Variants in GALNT2 observed in about 807,000 individuals in gnomAD.
GALNT2 encodes the protein UDP-GalNAc:polypeptide N-acetylgalactosaminyltransferase 2.
A neutral mutation model predicts 81.4 loss-of-function variants in GALNT2; 31 were observed. The ratio of observed to expected loss-of-function variants is 0.38; its 90% CI spans 0.29 to 0.51. GALNT2 has a LOEUF of 0.51. GALNT2 is among the 20% of genes least tolerant of loss of function. The pLI is 0.87. For synonymous variants in GALNT2, 303 were observed against 287.4 expected, an observed-to-expected ratio of 1.05 and a Z score of -0.55; for missense variants, 629 against 765.7, an observed-to-expected ratio of 0.82 and a Z score of 2.11.
chr1:230,111,324 G>T (rs895739628), intron 1 of GALNT2, among the ~76,000 whole-genome samples: 8 of 152,234 alleles, frequency 5.3e-5, no homozygotes, highest in Non-Finnish European at 8.8e-5. Context: ...GCACATACAT[G>T]TTCACACACT....
At chr1:230,249,497 A>G (rs1190861886) in intron 9 of GALNT2, among the ~76,000 whole-genome samples, 2 of 152,244 alleles carry the variant, frequency 1.3e-5, no homozygotes, top group African/African-American at 4.8e-5. Context: ...TATAAGGCCT[A>G]TCTGCTAGGT....
intron 2 of GALNT2, among the ~76,000 whole-genome samples, chr1:230,200,068 T>TC (rs1380264706): frequency 7.0e-6 from 1 of 142,750 alleles, no homozygotes; most frequent in Non-Finnish European, 1.6e-5. Context: ...TTTTCTTTTT[T>TC]TTTTTTTTTT....
At chr1:230,224,884 C>G (rs936412453) in intron 3 of GALNT2, among the ~76,000 whole-genome samples, 7 of 139,150 alleles carry the variant, frequency 5.0e-5, no homozygotes, top group African/African-American at 1.7e-4. Flanking sequence ...CTTCCGACTC[C>G]TATACGTTGC....
intron 1 of GALNT2, among the ~76,000 whole-genome samples, chr1:230,174,819 G>A (rs1489373843): frequency 6.6e-6 from 1 of 152,110 alleles, no homozygotes; most frequent in African/African-American, 2.4e-5. Context: ...CCGCTTCCGT[G>A]CCCTCCTGTT....
chr1:230,143,739 T>C (rs1346041485), intron 1 of GALNT2, among the ~76,000 whole-genome samples: 1 of 152,250 alleles, frequency 6.6e-6, no homozygotes, highest in Admixed American at 6.5e-5. Context: ...GTATTGTGCT[T>C]GTCTTTATCT....
chr1:230,077,157 C>T (rs1480248398), intron 1 of GALNT2, among the ~76,000 whole-genome samples: 4 of 152,080 alleles, frequency 2.6e-5, no homozygotes, highest in African/African-American at 9.7e-5. Flanking sequence ...GAGGGTTGGC[C>T]CAGTGTGGGA....
At chr1:230,194,634 C>G (rs541993918) in intron 2 of GALNT2, among the ~76,000 whole-genome samples, 2 of 152,338 alleles carry the variant, frequency 1.3e-5, no homozygotes, top group African/African-American at 2.4e-5. Flanking sequence ...AATGGACTGG[C>G]CTCCATTTGC....
intron 1 of GALNT2, among the ~76,000 whole-genome samples, chr1:230,159,192 T>C (rs1254881105): frequency 6.6e-6 from 1 of 152,226 alleles, no homozygotes; most frequent in Non-Finnish European, 1.5e-5. Context: ...CTGCACCCTT[T>C]GCTGTTGATG....
At chr1:230,177,666 C>A (rs191014986) in intron 1 of GALNT2, among the ~76,000 whole-genome samples, 20 of 152,208 alleles carry the variant, frequency 1.3e-4, no homozygotes, top group Middle Eastern at 3.4e-3. Flanking sequence ...CATTGGCAGT[C>A]CTATTAGAGT....
chr1:230,205,225 A>G lies in GALNT2; in HGVS notation c.374+1935A>G, dbSNP rs182427569. Among the ~76,000 whole-genome samples the G allele has an allele frequency of 3.0e-4, 45 of 152,276 alleles. No homozygotes were observed. The East Asian group carries it at 7.3e-3, about 25-fold the overall frequency. ...TCTCTTACTCTCAAGGACTTTATGG[A>G]CAGTGTAGGTGCCAGTTAACTGCCA... On this transcript the variant is annotated intron_variant, in intron 3 of 15. Transcript: ENST00000366672.
At chr1:230,229,213 A>T (rs1664802289) in intron 3 of GALNT2, among the ~76,000 whole-genome samples, 1 of 152,228 alleles carries the variant, frequency 6.6e-6, no homozygotes, top group South Asian at 2.1e-4. Context: ...ACAAAGGATA[A>T]TGTCCAGAGC....
intron 6 of GALNT2, among the ~76,000 whole-genome samples, chr1:230,240,368 C>T (rs762653758): frequency 2.4e-4 from 37 of 152,080 alleles, no homozygotes; most frequent in Non-Finnish European, 4.0e-4. Flanking sequence ...CCGAGGTGGG[C>T]GGATCACGAG....
chr1:230,113,529 C>T (rs373318099), intron 1 of GALNT2, among the ~76,000 whole-genome samples: 1 of 152,142 alleles, frequency 6.6e-6, no homozygotes, highest in South Asian at 2.1e-4. Context: ...CACAGCTAAA[C>T]AGCCATGTGG....
At chr1:230,147,097 A>G (rs1322074404) in intron 1 of GALNT2, among the ~76,000 whole-genome samples, 2 of 152,010 alleles carry the variant, frequency 1.3e-5, no homozygotes, top group Non-Finnish European at 2.9e-5. Flanking sequence ...CAGTGTCTGC[A>G]TATCTGGCCA....
At chr1:230,212,597 C>T (rs1198158335) in intron 3 of GALNT2, among the ~76,000 whole-genome samples, 1 of 152,084 alleles carries the variant, frequency 6.6e-6, no homozygotes, top group Non-Finnish European at 1.5e-5. Context: ...AGGGTGCTGG[C>T]AGGCTCAGCG....
Position 230,257,626 on chromosome 1 carries a change from C to T in GALNT2, c.1136+2282C>T, listed in dbSNP as rs575355165. On this transcript the variant is annotated intron_variant, in intron 11 of 15. Coordinates refer to ENST00000366672, the MANE Select transcript of GALNT2 (RefSeq NM_004481.5). This position sits in a 1 kb window ranked among gnomAD's most constrained non-coding sequence, Gnocchi z 4.6. ...AATATACTCTATGATGTTCACACAACGACAACATCGCCTAAGGATGCATTT... is the reference window on the plus strand; with the variant it reads ...AATATACTCTATGATGTTCACACAATGACAACATCGCCTAAGGATGCATTT... Among the ~76,000 whole-genome samples the T allele has an allele frequency of 3.9e-5, 6 of 152,240 alleles. No individual in the cohort carries two copies. The highest frequency in any genetic ancestry group is 5.9e-5 in the Non-Finnish European group (4 of 68,040).
chr1:230,243,271 T>C lies in GALNT2; in HGVS notation c.608-35T>C, dbSNP rs1253209799. ...GGGGTTGTGCTGGCCCTGTGGCTTC[T>C]CTCTCCTGACGTGCTTTCCAACTCG... On this transcript the variant is annotated intron_variant, in intron 6 of 15. Transcript: ENST00000366672. This position sits in a 1 kb window ranked among gnomAD's most constrained non-coding sequence, Gnocchi z 4.2. 4 of 1,565,932 alleles carry C rather than the reference T, an allele frequency of 2.6e-6. No individual in the cohort carries two copies. The highest frequency in any genetic ancestry group is 2.3e-5 in the East Asian group (1 of 43,372).
At chr1:230,185,303 C>CGCGCGCGT in intron 2 of GALNT2, among the ~76,000 whole-genome samples, 2 of 71,356 alleles carry the variant, frequency 2.8e-5, no homozygotes, top group Non-Finnish European at 6.0e-5. Context: ...TGTGTGTGTG[C>CGCGCGCGT]GCGCGTGTGT....
chr1:230,264,935 T>A (rs966784911), intron 13 of GALNT2: 66 of 244,814 alleles, frequency 2.7e-4, no homozygotes, highest in Non-Finnish European at 3.6e-4. Flanking sequence ...CCAATAAGAC[T>A]AACATTGAAG....
Sources: gnomAD v4.1 joint callset for allele counts (sites outside exome capture counted in the v4.1 genomes callset) on GRCh38, gnomAD v4.1.1 for gene constraint, Gnocchi (gnomAD v3.1) non-coding constraint, MANE v1.5 for transcripts, NCBI Gene and HGNC (gene_info 2026-07-23, HGNC 2026-07-21) for gene names.